Variants in MTA3 observed in about 807,000 individuals in gnomAD.
The protein encoded by MTA3 is metastasis associated 1 family member 3.
MTA3 carries 34 observed loss-of-function variants against 83.5 expected under a neutral mutation model. That is an observed-to-expected ratio of 0.41 (90% confidence interval 0.31 to 0.54). MTA3 has a LOEUF of 0.54. Ranked by LOEUF, MTA3 falls within the 20% of genes least tolerant of loss-of-function variation. The pLI is 0.33. For synonymous variants in MTA3, 303 were observed against 252.7 expected (o/e 1.20, Z -1.89); for missense variants, 761 against 726.4 (o/e 1.05, Z -0.55).
rs1472639410 is a variant in MTA3, at chr2:42,721,481, C to G, written c.1613-1408C>G. Among the ~76,000 whole-genome samples the G allele has an allele frequency of 3.3e-5, 5 of 151,906 alleles. 1 individual carries two copies. Among genetic ancestry groups the G allele is most frequent in the Admixed American group, 3.3e-4 (5 of 15,234 alleles). On this transcript the variant is annotated intron_variant, in intron 15 of 16. Coordinates refer to ENST00000405094, the MANE Select transcript of MTA3 (RefSeq NM_001330442.2). ...TGGCTGGGACTACAGGTGTGCACCA[C>G]CACACTTGGCTAATTTTTAAAAATT... is the stretch of plus-strand genomic sequence containing the variant.
intron 16 of MTA3, among the ~76,000 whole-genome samples, chr2:42,746,014 A>G (rs1050756042): frequency 3.3e-5 from 5 of 151,454 alleles, no homozygotes; most frequent in East Asian, 2.0e-4. Flanking sequence ...GGGTTTCACC[A>G]TGTTAGCCAG....
At chr2:42,692,356 C>T (rs2104462207) in intron 9 of MTA3, among the ~76,000 whole-genome samples, 1 of 90,094 alleles carries the variant, frequency 1.1e-5, no homozygotes, top group East Asian at 2.6e-4. Context: ...TGACAGAATT[C>T]TGAATTCCTT....
chr2:42,576,682 C>T (rs1679061940), intron 2 of MTA3, among the ~76,000 whole-genome samples: 1 of 152,076 alleles, frequency 6.6e-6, no homozygotes, highest in Non-Finnish European at 1.5e-5. Context: ...GGGTGGATCA[C>T]CTGAGAGGAG....
intron 3 of MTA3, among the ~76,000 whole-genome samples, chr2:42,582,530 G>A (rs889415393): frequency 4.6e-5 from 7 of 152,138 alleles, no homozygotes; most frequent in Non-Finnish European, 8.8e-5. Context: ...GCTCATGCTT[G>A]TAATCTCACC....
chr2:42,535,077 G>T (rs536145901), intron 2 of MTA3, among the ~76,000 whole-genome samples: 1 of 152,014 alleles, frequency 6.6e-6, no homozygotes, highest in Non-Finnish European at 1.5e-5. Flanking sequence ...GTAGAAAGGA[G>T]AAAGGGCAAG....
intron 16 of MTA3, among the ~76,000 whole-genome samples, chr2:42,732,522 T>C (rs1357830019): frequency 6.6e-6 from 1 of 152,180 alleles, no homozygotes; most frequent in Non-Finnish European, 1.5e-5. Flanking sequence ...AGGCCTGTTA[T>C]GGAAGGGACT....
At chr2:42,597,375 C>CTT (rs35943826) in intron 3 of MTA3, among the ~76,000 whole-genome samples, 16 of 108,436 alleles carry the variant, frequency 1.5e-4, no homozygotes, top group Non-Finnish European at 7.2e-5. Context: ...GACAAGTTAT[C>CTT]TTTTTTTTTT....
chr2:42,744,432 A>T (rs561162673), intron 16 of MTA3, among the ~76,000 whole-genome samples: 10 of 152,172 alleles, frequency 6.6e-5, no homozygotes, highest in Non-Finnish European at 1.3e-4. Flanking sequence ...AGCAGTATGG[A>T]GGTCCTAGAA....
At position 42,673,741 on chromosome 2, in the gene MTA3, A is replaced by T. The variant is rs559477593; in HGVS notation, c.703-8660A>T. On this transcript the variant is annotated intron_variant, in intron 8 of 16. Transcript: ENST00000405094. The stretch of plus-strand genomic sequence containing the variant: ...ACTCCAGCTGATTTGTGGCATCCCA[A>T]ATCAGGGTGAAAAGCTGGGCCTTTA... 2.0e-5 allele frequency among the ~76,000 whole-genome samples: 3 copies of T among 152,314 alleles called. No individual in the cohort carries two copies. The East Asian group carries it at 5.8e-4, about 29-fold the overall frequency.
intron 6 of MTA3, among the ~76,000 whole-genome samples, chr2:42,648,760 G>A (rs1688440503): frequency 1.3e-5 from 2 of 151,962 alleles, no homozygotes; most frequent in Non-Finnish European, 2.9e-5. Flanking sequence ...TTGTTTAAAT[G>A]TATTATTATA....
At chr2:42,676,341 A>T (rs1356875252) in intron 8 of MTA3, among the ~76,000 whole-genome samples, 1 of 152,252 alleles carries the variant, frequency 6.6e-6, no homozygotes, top group East Asian at 1.9e-4. Flanking sequence ...TATCCATAAG[A>T]AAAGCAGTTT....
intron 5 of MTA3, among the ~76,000 whole-genome samples, chr2:42,642,899 C>A (rs1687824190): frequency 6.6e-6 from 1 of 152,104 alleles, no homozygotes; most frequent in South Asian, 2.1e-4. Context: ...CCTGCCTCGG[C>A]CTCCCAAAGT....
chr2:42,661,927 C>G (rs905842890), intron 8 of MTA3, among the ~76,000 whole-genome samples: 3 of 152,068 alleles, frequency 2.0e-5, no homozygotes, highest in Non-Finnish European at 2.9e-5. Context: ...TTCCCTTTAC[C>G]TCTGCCTCCT....
chr2:42,543,111 G>A (rs938191541), intron 2 of MTA3, among the ~76,000 whole-genome samples: 4 of 152,108 alleles, frequency 2.6e-5, no homozygotes, highest in African/African-American at 7.2e-5. Context: ...CCATTTCTCT[G>A]TGGGAGTCTT....
chr2:42,677,774 G>GT (rs1691517727), intron 8 of MTA3, among the ~76,000 whole-genome samples: 1 of 152,160 alleles, frequency 6.6e-6, no homozygotes, highest in Admixed American at 6.6e-5. Context: ...ATGTGGAACT[G>GT]TAAGTCCAAT....
intron 14 of MTA3, chr2:42,712,907 A>G (rs1666743502): frequency 6.6e-6 from 1 of 152,064 alleles, no homozygotes; most frequent in African/African-American, 2.4e-5. Context: ...TCCCCCTAGT[A>G]AAAAAGCTAT....
At position 42,755,677 on chromosome 2, in the gene MTA3, C is replaced by G. The variant is rs986010695; in HGVS notation, c.*2278C>G. On this transcript the variant is annotated 3_prime_UTR_variant, in exon 17 of 17. Transcript: ENST00000405094. ...GAGGCGCCTCTAGTCTGTGCCTTTGCCGTTGGAAGCATTTGGTGCTGAGAG... is the reference window on the plus strand; with the variant it reads ...GAGGCGCCTCTAGTCTGTGCCTTTGGCGTTGGAAGCATTTGGTGCTGAGAG... 9 of 985,368 alleles carry G rather than the reference C, an allele frequency of 9.1e-6. No individual in the cohort carries two copies. In the Admixed American group the frequency reaches 4.3e-4, roughly 47 times the overall value. 61.0% of individuals were successfully genotyped at this position (985,368 alleles called of 1,614,324 possible).
intron 2 of MTA3, among the ~76,000 whole-genome samples, chr2:42,562,155 T>C (rs1487591720): frequency 1.3e-5 from 2 of 152,174 alleles, no homozygotes; most frequent in Admixed American, 6.5e-5. Flanking sequence ...CTGTCTCTTA[T>C]AAGGACACAT....
intron 2 of MTA3, among the ~76,000 whole-genome samples, chr2:42,502,258 G>T (rs1018985866): frequency 6.6e-6 from 1 of 152,130 alleles, no homozygotes; most frequent in African/African-American, 2.4e-5. Flanking sequence ...AAAAAAGAAC[G>T]TTGGCTCTGG....
Sources: gnomAD v4.1 joint callset for allele counts (sites outside exome capture counted in the v4.1 genomes callset) on GRCh38, gnomAD v4.1.1 for gene constraint, MANE v1.5 for transcripts, NCBI Gene and HGNC (gene_info 2026-07-23, HGNC 2026-07-21) for gene names.